ZNF444: variants seen among roughly 807,000 people sequenced by gnomAD.
ZNF444 encodes the protein zinc finger protein 444.
Under a neutral mutation model 14.4 loss-of-function variants are expected in ZNF444, and 8 were observed. The ratio of observed to expected loss-of-function variants is 0.56; its 90% CI spans 0.33 to 1.00. The LOEUF is 1.00. ZNF444 is among the 50% of genes least tolerant of loss of function. The pLI, the probability that ZNF444 is intolerant of heterozygous loss-of-function variation, is 0.03. For synonymous variants in ZNF444, 258 were observed against 235.9 expected (o/e 1.09, Z -0.86); for missense variants, 510 against 504.8 (o/e 1.01, Z -0.10).
rs767955246 is a variant in ZNF444 at position 56,145,303 on chromosome 19, C to T, written c.-196-944C>T. Among the ~76,000 whole-genome samples the T allele has an allele frequency of 2.0e-5, 3 of 152,180 alleles. No individual in the cohort carries two copies. The highest frequency in any genetic ancestry group is 6.6e-5 in the Admixed American group (1 of 15,260). ...TTAATGCATTTAAAAATGGCAATCA[C>T]GGCTGGGCGTGGTGGCTCATGCCGG... On this transcript the variant is annotated intron_variant, in intron 1 of 4. Transcript: ENST00000337080. The surrounding 1 kb of genome is among the most constrained non-coding windows in gnomAD (Gnocchi z 4.3).
chr19:56,158,647 C>T (rs752760521), intron 4 of ZNF444, 45 bp downstream of exon 4: 109 of 1,506,950 alleles, frequency 7.2e-5, no homozygotes, highest in Non-Finnish European at 9.1e-5. Flanking sequence ...CCCCCAGCAC[C>T]GGGGAGGGGG....
Position 56,144,059 on chromosome 19 carries a change from A to T in ZNF444, c.-196-2188A>T, listed in dbSNP as rs892223784. Among the ~76,000 whole-genome samples the T allele has an allele frequency of 6.6e-6, 1 of 152,214 alleles. No homozygotes were observed. The highest frequency in any genetic ancestry group is 1.9e-4 in the East Asian group (1 of 5,192). On this transcript the variant is annotated intron_variant, in intron 1 of 4. Coordinates refer to ENST00000337080, the MANE Select transcript of ZNF444 (RefSeq NM_018337.4). The surrounding 1 kb of genome is among the most constrained non-coding windows in gnomAD (Gnocchi z 4.0). ...CACAGTGGCTCACTCCTGTAATCCC[A>T]GCACTTTGAGAGGCTGAGGTGGGAG...
chr19:56,142,651 G>C (rs2030906237), intron 1 of ZNF444, among the ~76,000 whole-genome samples: 1 of 152,174 alleles, frequency 6.6e-6, no homozygotes. Context: ...TTTGGAGGCT[G>C]CTTCTAACTC....
Position 56,160,312 on chromosome 19 carries a change from C to T in ZNF444, c.*111C>T, listed in dbSNP as rs978733634. ...TCTCCTCCTTCCCTCCCATCGTCCT[C>T]CTCCACCTGCGCCTCCCTTGTCTGA... On this transcript the variant is annotated 3_prime_UTR_variant, in exon 5 of 5. Coordinates refer to ENST00000337080, the MANE Select transcript of ZNF444 (RefSeq NM_018337.4). 8.2e-6 allele frequency: 7 copies of T among 853,384 alleles called. No individual in the cohort carries two copies. The African/African-American group carries it at 1.3e-4, about 16-fold the overall frequency. The allele number at this position is 853,384 out of a possible 1,614,324, so 52.9% of individuals were successfully genotyped here. A position where few individuals can be genotyped will look rare whatever the true frequency, so the allele number is the denominator to read the frequency against.
Position 56,158,622 on chromosome 19 carries a change from G to GT in ZNF444, c.406+20_406+21insT. 6.3e-7 allele frequency: 1 copy of GT among 1,583,558 alleles called. No homozygotes were observed. Among genetic ancestry groups the GT allele is most frequent in the Non-Finnish European group, 8.6e-7 (1 of 1,162,776 alleles). On this transcript the variant is annotated intron_variant, in intron 4 of 4. Coordinates refer to ENST00000337080, the MANE Select transcript of ZNF444 (RefSeq NM_018337.4). Reference sequence around the variant, plus strand: ...CCTTAGGTGAGCTGCTGGCCTCTCTGGTTCTCCCCGCCAGCCCCCAGCACC... The same window carrying GT: ...CCTTAGGTGAGCTGCTGGCCTCTCTGTGTTCTCCCCGCCAGCCCCCAGCACC...
At chr19:56,134,903 G>A (rs540794643) in intron 1 of ZNF444, among the ~76,000 whole-genome samples, 1 of 152,060 alleles carries the variant, frequency 6.6e-6, no homozygotes, top group African/African-American at 2.4e-5. Context: ...GATCTCGTGA[G>A]GCCAGGAGTT....
chr19:56,158,610 G>A lies in ZNF444; in HGVS notation c.406+8G>A. 2 of 1,599,952 alleles carry A rather than the reference G, an allele frequency of 1.3e-6. No individual in the cohort carries two copies. Among genetic ancestry groups the A allele is most frequent in the Middle Eastern group, 1.7e-4 (1 of 5,928 alleles). On this transcript the variant is annotated splice_region_variant and intron_variant, in intron 4 of 4. Transcript: ENST00000337080. ...GTGGGATGATTCCCTTAGGTGAGCT[G>A]CTGGCCTCTCTGGTTCTCCCCGCCA...
At chr19:56,138,831 CTG>C (rs1444004468), upstream of ZNF444, among the ~76,000 whole-genome samples, 1 of 114,080 alleles carries the variant, frequency 8.8e-6, no homozygotes, top group Non-Finnish European at 1.7e-5. Flanking sequence ...GAGTCTGACT[CTG>C]TTGCCCGGAC....
intron 3 of ZNF444, chr19:56,151,765 G>A: frequency 2.2e-6 from 1 of 453,166 alleles, no homozygotes. Context: ...GGCATCTAGT[G>A]GGAGCTGACC....
intron 3 of ZNF444, chr19:56,157,410 CT>C (rs200325891): frequency 1.5e-4 from 22 of 147,908 alleles, no homozygotes; most frequent in Admixed American, 4.1e-4. Flanking sequence ...TGCCGCTTTG[CT>C]TTTTTTTTTG....
chr19:56,147,001 C>A lies in ZNF444; in HGVS notation c.90C>A (p.Asp30Glu). ...GCTTCCGCCGCTTCCACCTGGGCGA[C>A]GCGCCGGGCCCGCGGGAGGCGCTGG... ...WHRFRRFHLG[D>E]APGPREALGL... Residue 30 changes from aspartate to glutamate, a missense_variant, in exon 3 of 5, where the codon GAC becomes GAA. Coordinates refer to ENST00000337080, the MANE Select transcript of ZNF444 (RefSeq NM_018337.4). This position sits in a 1 kb window ranked among gnomAD's most constrained non-coding sequence, Gnocchi z 5.9. 6.9e-7 allele frequency: 1 copy of A among 1,445,344 alleles called. No individual in the cohort carries two copies. 89.5% of individuals were successfully genotyped at this position (1,445,344 alleles called of 1,614,324 possible).
rs2031148751 is a variant in ZNF444, at chr19:56,145,865, G to A, written c.-196-382G>A. ...TGCCATCATGGTCAGTTCCTGGTGA[G>A]GGCCTCTGCCAGGCTGCAGGTGGCC... On this transcript the variant is annotated intron_variant, in intron 1 of 4. Coordinates refer to ENST00000337080, the MANE Select transcript of ZNF444 (RefSeq NM_018337.4). This position sits in a 1 kb window ranked among gnomAD's most constrained non-coding sequence, Gnocchi z 4.3. Among the ~76,000 whole-genome samples the A allele has an allele frequency of 1.3e-5, 2 of 152,222 alleles. No individual in the cohort carries two copies. The highest frequency in any genetic ancestry group is 4.1e-4 in the South Asian group (2 of 4,832).
intron 4 of ZNF444, among the ~76,000 whole-genome samples, chr19:56,159,308 C>T (rs138427244): frequency 1.8e-3 from 268 of 151,682 alleles, no homozygotes; most frequent in Admixed American, 3.2e-3. Flanking sequence ...ACCCATCCAT[C>T]ATCTGTACAT....
intron 4 of ZNF444, 78 bp from the exon 5 acceptor site, chr19:56,159,546 C>T: frequency 7.7e-7 from 1 of 1,294,764 alleles, no homozygotes; most frequent in Non-Finnish European, 1.0e-6. Flanking sequence ...GCGTTCCCTC[C>T]CTGCCTCCAC....
chr19:56,136,081 C>CAAA (rs1199112916), intron 1 of ZNF444, among the ~76,000 whole-genome samples: 829 of 59,464 alleles, frequency 0.014, 66 homozygotes, highest in African/African-American at 0.056. Context: ...GATTCCGTCT[C>CAAA]AAAAAAAAAA....
chr19:56,143,790 A>G (rs1365512606), intron 1 of ZNF444, among the ~76,000 whole-genome samples: 1 of 152,216 alleles, frequency 6.6e-6, no homozygotes, highest in African/African-American at 2.4e-5. Flanking sequence ...ATGCTGAAAG[A>G]AAACTAATAA....
At position 56,145,022 on chromosome 19, in the gene ZNF444, C is replaced by T. The variant is rs1021260602; in HGVS notation, c.-196-1225C>T. On this transcript the variant is annotated intron_variant, in intron 1 of 4. Coordinates refer to ENST00000337080, the MANE Select transcript of ZNF444 (RefSeq NM_018337.4). This position sits in a 1 kb window ranked among gnomAD's most constrained non-coding sequence, Gnocchi z 4.3. ...CCACCCAGGCCCTGTCACAGCCACT[C>T]GGTAGCTCCAAGGCGGCCGTGGACA... is the stretch of plus-strand genomic sequence containing the variant. Among the ~76,000 whole-genome samples, 3 of 152,198 alleles carry T rather than the reference C, an allele frequency of 2.0e-5. No homozygotes were observed. The highest frequency in any genetic ancestry group is 7.2e-5 in the African/African-American group (3 of 41,438).
chr19:56,140,265 G>A (rs1231870891), upstream of ZNF444, among the ~76,000 whole-genome samples: 2 of 152,148 alleles, frequency 1.3e-5, no homozygotes, highest in Non-Finnish European at 2.9e-5. Flanking sequence ...TACGGAGGAG[G>A]AAATACGCTG....
intron 3 of ZNF444, chr19:56,150,258 G>C (rs1009473394): frequency 4.6e-6 from 1 of 218,132 alleles, no homozygotes; most frequent in African/African-American, 2.3e-5. Context: ...AAAAGTAGGT[G>C]GTGGTTATTG....
Sources: gnomAD v4.1 joint callset for allele counts (sites outside exome capture counted in the v4.1 genomes callset) on GRCh38, gnomAD v4.1.1 for gene constraint, Gnocchi (gnomAD v3.1) non-coding constraint, MANE v1.5 for transcripts, NCBI Gene and HGNC (gene_info 2026-07-23, HGNC 2026-07-21) for gene names.